PFKP: variants seen among roughly 807,000 people sequenced by gnomAD.
PFKP encodes the protein ATP-dependent 6-phosphofructokinase, platelet type.
Under a neutral mutation model 94.3 loss-of-function variants are expected in PFKP, and 101 were observed. The ratio of observed to expected loss-of-function variants is 1.07; its 90% CI spans 0.91 to 1.26. PFKP has a LOEUF of 1.26. Among genes scored for constraint, PFKP ranks in the 50% most tolerant of loss-of-function variants. The pLI is 0.00. For missense variants in PFKP, 1,145 were observed against 1,103.3 expected (o/e 1.04, Z -0.53); for synonymous variants, 573 against 432.6 (o/e 1.32, Z -4.03).
intron 16 of PFKP, among the ~76,000 whole-genome samples, chr10:3,127,708 GTCC>G (rs1356452443): frequency 6.6e-6 from 1 of 152,124 alleles, no homozygotes; most frequent in African/African-American, 2.4e-5. Flanking sequence ...TCTGTCCTCT[GTCC>G]TCCTAAGCAC....
chr10:3,134,344 A>G (rs1838955989), intron 19 of PFKP, 139 bp from the exon 20 acceptor site: 1 of 620,152 alleles, frequency 1.6e-6, no homozygotes, highest in Non-Finnish European at 2.9e-6. Flanking sequence ...GGCTACGGGA[A>G]TCACAGGTTT....
At chr10:3,121,013 T>G (rs901384971) in intron 16 of PFKP, among the ~76,000 whole-genome samples, 41 of 152,222 alleles carry the variant, frequency 2.7e-4, no homozygotes, top group African/African-American at 9.9e-4. Flanking sequence ...TTCAAAGATA[T>G]TTTTTCTTGT....
At chr10:3,123,306 C>T (rs1837609293) in intron 16 of PFKP, among the ~76,000 whole-genome samples, 1 of 152,246 alleles carries the variant, frequency 6.6e-6, no homozygotes, top group Non-Finnish European at 1.5e-5. Flanking sequence ...GCGAAGGTGG[C>T]AGTGACCACA....
chr10:3,107,973 C>T lies in PFKP; in HGVS notation c.870+664C>T, dbSNP rs891568111. On this transcript the variant is annotated intron_variant, in intron 8 of 21. Coordinates refer to ENST00000381125, the MANE Select transcript of PFKP (RefSeq NM_002627.5). ...CAGAAGACGTCCCCACCTGGCTTTG[C>T]AAGTCGGCTTCTTTATTGTGCTTTG... The T allele has an allele frequency of 5.4e-6, 7 of 1,289,622 alleles. No homozygotes were observed. In the African/African-American group the frequency reaches 1.1e-4, roughly 20 times the overall value. 79.9% of individuals were successfully genotyped at this position (1,289,622 alleles called of 1,614,324 possible).
intron 2 of PFKP, among the ~76,000 whole-genome samples, chr10:3,087,400 G>A (rs1346199556): frequency 2.6e-5 from 4 of 152,258 alleles, no homozygotes; most frequent in African/African-American, 7.2e-5. Flanking sequence ...CTTGTCTGGC[G>A]GGGACAGCGC....
At chr10:3,093,638 CTTTTT>C (rs765547765) in intron 2 of PFKP, among the ~76,000 whole-genome samples, 4 of 94,050 alleles carry the variant, frequency 4.3e-5, no homozygotes, top group East Asian at 2.8e-4. Flanking sequence ...CAAGCATTAT[CTTTTT>C]TTTTTTTTTT....
In PFKP at chr10:3,103,411, C is replaced by A. The variant is rs1202358099; in HGVS notation, c.455-368C>A. Among the ~76,000 whole-genome samples, 3 of 152,240 alleles carry A rather than the reference C, an allele frequency of 2.0e-5. No homozygotes were observed. The East Asian group carries it at 5.8e-4, about 29-fold the overall frequency. ...CCTATAATCCCAGCACTTTGGAAGG[C>A]CAAGGCAGAAGGACCACTTGAGCCC... On this transcript the variant is annotated intron_variant, in intron 4 of 21. Coordinates refer to ENST00000381125, the MANE Select transcript of PFKP (RefSeq NM_002627.5).
At chr10:3,079,659 G>GGGC (rs1291232687) in intron 1 of PFKP, among the ~76,000 whole-genome samples, 1 of 63,416 alleles carries the variant, frequency 1.6e-5, no homozygotes, top group African/African-American at 5.4e-5. Flanking sequence ...TCAGAGAGCG[G>GGGC]GGTGGGGGGG....
chr10:3,129,604 A>G, intron 16 of PFKP: 1 of 562,558 alleles, frequency 1.8e-6, no homozygotes. Context: ...GGTCACCTCC[A>G]GGTGGCTGCC....
At chr10:3,126,573 C>T (rs573602895) in intron 16 of PFKP, among the ~76,000 whole-genome samples, 4 of 152,352 alleles carry the variant, frequency 2.6e-5, no homozygotes, top group South Asian at 2.1e-4. Context: ...CCCCCTGTCC[C>T]GTCTGGCCAC....
chr10:3,093,207 ATC>A (rs911157969), intron 2 of PFKP, among the ~76,000 whole-genome samples: 6 of 151,230 alleles, frequency 4.0e-5, no homozygotes, highest in South Asian at 2.1e-4. Context: ...TTTTTTTTAA[ATC>A]TCTGTCTCAC....
At chr10:3,132,623 CAACTAA>C (rs1838721956) in intron 18 of PFKP, among the ~76,000 whole-genome samples, 182 bp downstream of exon 18, 1 of 151,956 alleles carries the variant, frequency 6.6e-6, no homozygotes, top group Non-Finnish European at 1.5e-5. Context: ...TGCATTTAGA[CAACTAA>C]TATTTTTGCT....
chr10:3,134,429 A>G, intron 19 of PFKP, 54 bp from the exon 20 acceptor site: 1 of 988,732 alleles, frequency 1.0e-6, no homozygotes, highest in Admixed American at 2.0e-5. Flanking sequence ...TTTCTATTTA[A>G]CAGCAAAGTG....
intron 2 of PFKP, among the ~76,000 whole-genome samples, chr10:3,095,175 T>C (rs1253373135): frequency 6.6e-6 from 1 of 151,558 alleles, no homozygotes; most frequent in Admixed American, 6.6e-5. Context: ...AACGGTATAA[T>C]TTCCCTTTGT....
intron 4 of PFKP, among the ~76,000 whole-genome samples, chr10:3,102,655 C>A (rs980241894): frequency 6.6e-6 from 1 of 152,204 alleles, no homozygotes; most frequent in Non-Finnish European, 1.5e-5. Context: ...TGGTCTCGAA[C>A]TCCTGACCTC....
intron 2 of PFKP, among the ~76,000 whole-genome samples, chr10:3,089,092 T>C (rs1382499790): frequency 5.3e-5 from 8 of 152,118 alleles, no homozygotes; most frequent in African/African-American, 1.9e-4. Flanking sequence ...CCACCACGCC[T>C]GGCTAAATTT....
intron 16 of PFKP, among the ~76,000 whole-genome samples, chr10:3,124,908 CCT>C (rs563756860): frequency 9.3e-4 from 141 of 152,344 alleles, no homozygotes; most frequent in African/African-American, 2.9e-3. Context: ...CAGGCGGCCC[CCT>C]GTGTTGCTGG....
chr10:3,089,271 C>G (rs1833864037), intron 2 of PFKP, among the ~76,000 whole-genome samples: 1 of 152,180 alleles, frequency 6.6e-6, no homozygotes, highest in Admixed American at 6.5e-5. Context: ...GCACTTTCAT[C>G]CCCATTGCCA....
rs1400983299 is a variant in PFKP, at chr10:3,069,526, G to A, written c.112+1819G>A. The stretch of plus-strand genomic sequence containing the variant: ...CAAGAAACCTTTGGCACAGGAAGAG[G>A]AACTGATCTCTGGAAGCCACCAGGG... On this transcript the variant is annotated intron_variant, in intron 1 of 21. Transcript: ENST00000381125. The A allele has an allele frequency of 6.7e-6, 5 of 742,856 alleles. No homozygotes were observed. In the Admixed American group the frequency reaches 8.9e-5, roughly 13 times the overall value. 46.0% of individuals were successfully genotyped at this position (742,856 alleles called of 1,614,324 possible).
Sources: gnomAD v4.1 joint callset for allele counts (sites outside exome capture counted in the v4.1 genomes callset) on GRCh38, gnomAD v4.1.1 for gene constraint, MANE v1.5 for transcripts, NCBI Gene and HGNC (gene_info 2026-07-23, HGNC 2026-07-21) for gene names.